STPG1: variants seen among roughly 807,000 people sequenced by gnomAD.
STPG1 encodes the protein O(6)-methylguanine-induced apoptosis 2.
A neutral mutation model predicts 40.1 loss-of-function variants in STPG1; 33 were observed. The observed-to-expected ratio is 0.82, with a 90% confidence interval of 0.62 to 1.10. The LOEUF (loss-of-function observed/expected upper bound fraction) is 1.10. Ranked by LOEUF, STPG1 falls within the 50% of genes least tolerant of loss-of-function variation. The pLI, the probability that STPG1 is intolerant of heterozygous loss-of-function variation, is 0.00. For synonymous variants in STPG1, 150 were observed against 155.0 expected, an observed-to-expected ratio of 0.97 and a Z score of 0.24; for missense variants, 396 against 415.1, an observed-to-expected ratio of 0.95 and a Z score of 0.40.
At position 24,391,945 on chromosome 1, in the gene STPG1, A is replaced by C. The variant is rs553341381; in HGVS notation, c.71-266T>G. The C allele has an allele frequency of 1.9e-4, 220 of 1,149,316 alleles. No individual in the cohort carries two copies. The Middle Eastern group carries it at 2.6e-3, about 13-fold the overall frequency. 71.2% of individuals were successfully genotyped at this position (1,149,316 alleles called of 1,614,324 possible). ...GTACCTTAAACAGGCTGTCCCGGAGAAAAGGAAGGAGATGATAGTAAAGAC... is the reference window on the plus strand; with the variant it reads ...GTACCTTAAACAGGCTGTCCCGGAGCAAAGGAAGGAGATGATAGTAAAGAC... On this transcript the variant is annotated intron_variant, in intron 2 of 8. Coordinates refer to ENST00000337248, the MANE Select transcript of STPG1 (RefSeq NM_001199013.2).
At chr1:24,407,443 AT>A (rs71029547) in intron 1 of STPG1, among the ~76,000 whole-genome samples, 30,696 of 130,696 alleles carry the variant, frequency 0.23, 3,360 homozygotes, top group East Asian at 0.43. Context: ...AAGTTCACTG[AT>A]TTTTTTTTTT....
At chr1:24,366,686 C>T (rs1641484963) in intron 7 of STPG1, among the ~76,000 whole-genome samples, 1 of 152,120 alleles carries the variant, frequency 6.6e-6, no homozygotes, top group African/African-American at 2.4e-5. Flanking sequence ...CTCCTGAGTC[C>T]ATGGTGAGCA....
intron 2 of STPG1, chr1:24,392,192 A>G: frequency 6.2e-6 from 3 of 484,824 alleles, no homozygotes; most frequent in Non-Finnish European, 8.1e-6. Flanking sequence ...TTCTGTTTTG[A>G]GCAGACATGG....
At chr1:24,397,403 G>T (rs549137072) in intron 2 of STPG1, among the ~76,000 whole-genome samples, 1 of 152,110 alleles carries the variant, frequency 6.6e-6, no homozygotes, top group East Asian at 1.9e-4. Flanking sequence ...AAGAGGAAAA[G>T]ACATTTCCAA....
chr1:24,387,592 C>A (rs189864521), intron 3 of STPG1, among the ~76,000 whole-genome samples: 2 of 152,278 alleles, frequency 1.3e-5, no homozygotes, highest in East Asian at 3.9e-4. Context: ...GCTACTTCAC[C>A]CTCTTTTCAT....
chr1:24,410,732 G>C (rs1318829153), intron 1 of STPG1: 1 of 152,358 alleles, frequency 6.6e-6, no homozygotes, highest in Non-Finnish European at 1.5e-5. Context: ...GCAGGTGCAG[G>C]ACAGATGTGA....
intron 1 of STPG1, among the ~76,000 whole-genome samples, chr1:24,405,678 T>C (rs1425471400): frequency 1.3e-5 from 2 of 152,192 alleles, no homozygotes; most frequent in Non-Finnish European, 2.9e-5. Context: ...TTGTCAATTG[T>C]TGTTGTGTAT....
chr1:24,381,018 T>C (rs1642259601), intron 4 of STPG1, among the ~76,000 whole-genome samples: 3 of 152,184 alleles, frequency 2.0e-5, no homozygotes, highest in Admixed American at 2.0e-4. Context: ...GGTTTTTGTG[T>C]TGAATCCTCA....
chr1:24,367,413 G>A (rs528603527), intron 7 of STPG1, among the ~76,000 whole-genome samples: 27 of 152,206 alleles, frequency 1.8e-4, no homozygotes, highest in African/African-American at 5.8e-4. Context: ...TCCAAATTTG[G>A]GCTGGGGGCT....
At chr1:24,394,197 C>T (rs1473431715) in intron 2 of STPG1, among the ~76,000 whole-genome samples, 1 of 152,216 alleles carries the variant, frequency 6.6e-6, no homozygotes, top group Non-Finnish European at 1.5e-5. Context: ...TCATGAGTCA[C>T]AGCGGGAAAA....
chr1:24,406,329 C>G (rs1346003180), intron 1 of STPG1, among the ~76,000 whole-genome samples: 1 of 152,042 alleles, frequency 6.6e-6, no homozygotes, highest in Non-Finnish European at 1.5e-5. Flanking sequence ...CATTTCCTAC[C>G]TTCCATCCTT....
intron 7 of STPG1, chr1:24,364,415 A>G (rs1482413706): frequency 6.7e-7 from 1 of 1,491,958 alleles, no homozygotes; most frequent in Admixed American, 2.3e-5. Context: ...GGCAGGTCAC[A>G]TCTGAGAGCT....
Position 24,358,352 on chromosome 1 carries a change from G to C in STPG1, c.*191C>G, listed in dbSNP as rs573864829. On this transcript the variant is annotated 3_prime_UTR_variant, in exon 9 of 9. Transcript: ENST00000337248. ...TGTGGGGCTGGGGTGAAGTCTCCAG[G>C]GAGCAATGTCTCCAGCTCAAGACAA... 2.0e-5 allele frequency: 14 copies of C among 701,078 alleles called. No homozygotes were observed. The highest frequency in any genetic ancestry group is 3.7e-5 in the Non-Finnish European group (14 of 382,716). The allele number at this position is 701,078 out of a possible 1,614,324, so 43.4% of individuals were successfully genotyped here. A position where few individuals can be genotyped will look rare whatever the true frequency, so the allele number is the denominator to read the frequency against.
At chr1:24,372,379 C>T (rs928575890) in intron 6 of STPG1, among the ~76,000 whole-genome samples, 1 of 152,138 alleles carries the variant, frequency 6.6e-6, no homozygotes, top group African/African-American at 2.4e-5. Context: ...GAATGTAAGG[C>T]CCCTGGCACC....
At chr1:24,364,854 T>A (rs1470988666) in intron 7 of STPG1, among the ~76,000 whole-genome samples, 1 of 152,200 alleles carries the variant, frequency 6.6e-6, no homozygotes, top group Non-Finnish European at 1.5e-5. Context: ...TGGCCACAAC[T>A]GGATTAAGTG....
At chr1:24,373,261 A>G (rs574272193) in intron 6 of STPG1, among the ~76,000 whole-genome samples, 1 of 152,304 alleles carries the variant, frequency 6.6e-6, no homozygotes, top group East Asian at 1.9e-4. Flanking sequence ...CTGTTTTATG[A>G]CTGGATGATG....
At position 24,391,508 on chromosome 1, in the gene STPG1, G is replaced by T. The variant is rs138074662; in HGVS notation, c.189+53C>A. On this transcript the variant is annotated intron_variant, in intron 3 of 8. Coordinates refer to ENST00000337248, the MANE Select transcript of STPG1 (RefSeq NM_001199013.2). Reference sequence around the variant, plus strand: ...CAGCCAGACAGAACGTGCCTGTCCCGCAAGGCTAAAATCCAGACTAAAACG... The same window carrying T: ...CAGCCAGACAGAACGTGCCTGTCCCTCAAGGCTAAAATCCAGACTAAAACG... 1.7e-5 allele frequency: 20 copies of T among 1,178,926 alleles called. No homozygotes were observed. The Middle Eastern group carries it at 1.1e-3, about 67-fold the overall frequency. The allele number at this position is 1,178,926 out of a possible 1,614,324, so 73.0% of individuals were successfully genotyped here. A position where few individuals can be genotyped will look rare whatever the true frequency, so the allele number is the denominator to read the frequency against.
chr1:24,411,506 A>C (rs2148719877), intron 1 of STPG1: 1 of 152,340 alleles, frequency 6.6e-6, no homozygotes, highest in African/African-American at 2.4e-5. Context: ...CAGTGGTGCA[A>C]TCATAGCTTA....
chr1:24,369,152 C>G (rs1205797500), intron 7 of STPG1: 2 of 354,708 alleles, frequency 5.6e-6, no homozygotes, highest in Admixed American at 4.2e-5. Context: ...ACAAATCCAG[C>G]AGGTATCACC....
Sources: allele counts gnomAD v4.1 joint callset (sites outside exome capture counted in the v4.1 genomes callset), GRCh38; gene constraint gnomAD v4.1.1; transcripts MANE v1.5; gene names NCBI Gene and HGNC (gene_info 2026-07-23, HGNC 2026-07-21).